The following HDAC6 variants were observed in gnomAD, a reference collection of about 807,000 sequenced individuals.
HDAC6 encodes the protein protein deacetylase HDAC6.
In HDAC6, 5 loss-of-function variants were observed where a neutral mutation model predicts 88.9. The ratio of observed to expected loss-of-function variants is 0.06; its 90% CI spans 0.03 to 0.12. The LOEUF (loss-of-function observed/expected upper bound fraction) is 0.12. Ranked by LOEUF, HDAC6 falls within the 10% of genes least tolerant of loss-of-function variation. The pLI is 1.00. For missense variants in HDAC6, 706 were observed against 1,014.4 expected (o/e 0.70, Z 4.13); for synonymous variants, 378 against 398.0 (o/e 0.95, Z 0.60).
rs998588418 is a variant in HDAC6, at chrX:48,802,138, G to C, written c.-35G>C. 5 of 885,793 alleles carry C rather than the reference G, an allele frequency of 5.6e-6. No homozygotes were observed. The highest frequency in any genetic ancestry group is 7.0e-6 in the Non-Finnish European group (5 of 716,170). The allele number at this position is 885,793 out of a possible 1,213,427, so 73.0% of individuals were successfully genotyped here. ...CGCTAGGGGCGGGATCTGGCGGAGT[G>C]GAAGGTACCGGTCCGGCCCGATAAG... On this transcript the variant is annotated 5_prime_UTR_variant, in exon 1 of 29. Transcript: ENST00000334136.
chrX:48,806,745 A>C (rs782449481), intron 8 of HDAC6, 39 bp downstream of exon 8: 1 of 861,371 alleles, frequency 1.2e-6, no homozygotes, highest in East Asian at 3.2e-5. Flanking sequence ...CATTGTTTTA[A>C]AGTCCTTCCT....
In HDAC6 at chrX:48,802,147, C is replaced by T. The variant is rs1299629842; in HGVS notation, c.-31+5C>T. 4 of 877,615 alleles carry T rather than the reference C, an allele frequency of 4.6e-6. No individual in the cohort carries two copies. The highest frequency in any genetic ancestry group is 5.6e-6 in the Non-Finnish European group (4 of 712,339). 72.3% of individuals were successfully genotyped at this position (877,615 alleles called of 1,213,427 possible). A position where few individuals can be genotyped will look rare whatever the true frequency, so the allele number is the denominator to read the frequency against. ...CGGGATCTGGCGGAGTGGAAGGTAC[C>T]GGTCCGGCCCGATAAGGGGTGGAGT... On this transcript the variant is annotated splice_donor_5th_base_variant and intron_variant, in intron 1 of 28. Coordinates refer to ENST00000334136, the MANE Select transcript of HDAC6 (RefSeq NM_006044.4).
Position 48,817,577 on chromosome X carries a change from A to G in HDAC6, c.1925+118A>G, listed in dbSNP as rs1173391229. 11 of 711,536 alleles carry G rather than the reference A, an allele frequency of 1.5e-5. No homozygotes were observed. The Admixed American group carries it at 3.1e-4, about 20-fold the overall frequency. The allele number at this position is 711,536 out of a possible 1,213,427, so 58.6% of individuals were successfully genotyped here. On this transcript the variant is annotated intron_variant, in intron 20 of 28. Transcript: ENST00000334136. ...GCTCCCAGGACTTCCTTCCCCAGAA[A>G]GAAGTAAGGGTGCAGTCCTTACCCA...
rs185304271 is a variant in HDAC6 at position 48,804,168 on chromosome X, G to A, written c.311+952G>A. Among the ~76,000 whole-genome samples the A allele has an allele frequency of 4.8e-3, 522 of 108,225 alleles. 1 individual carries two copies. The highest frequency in any genetic ancestry group is 7.9e-3 in the Non-Finnish European group (413 of 51,997). The allele number at this position is 108,225 out of a possible 115,157, so 94.0% of individuals were successfully genotyped here. On this transcript the variant is annotated intron_variant, in intron 4 of 28. Transcript: ENST00000334136. ...CAAGAGCAAAACTCTGTCTCAAAAA[G>A]TAAAAATAAAAAAAAAAAAAGTACT...
rs782183697 is a variant in HDAC6 at position 48,806,597 on chromosome X, C to T, written c.535-12C>T. 8 of 1,172,364 alleles carry T rather than the reference C, an allele frequency of 6.8e-6. No individual in the cohort carries two copies. In the Admixed American group the frequency reaches 1.3e-4, roughly 19 times the overall value. On this transcript the variant is annotated splice_polypyrimidine_tract_variant and intron_variant, in intron 7 of 28. Transcript: ENST00000334136. ...CCCTTACTCCCTTTCTGGCTCCCCA[C>T]TGTCTCTCCAGAACTCATACTCCTG...
At position 48,814,757 on chromosome X, in the gene HDAC6, G is replaced by A. The variant is rs1557026877; in HGVS notation, c.999+17G>A. On this transcript the variant is annotated intron_variant, in intron 12 of 28. Transcript: ENST00000334136. Reference sequence around the variant, plus strand: ...GCCCTCGAGGTCCTGGGGATCTGGGGTGTGTTGGGAGGAGGAGTGGCCTTG... The same window carrying A: ...GCCCTCGAGGTCCTGGGGATCTGGGATGTGTTGGGAGGAGGAGTGGCCTTG... 2 of 1,210,734 alleles carry A rather than the reference G, an allele frequency of 1.7e-6. No individual in the cohort carries two copies. The highest frequency in any genetic ancestry group is 2.2e-6 in the Non-Finnish European group (2 of 894,782).
intron 8 of HDAC6, among the ~76,000 whole-genome samples, chrX:48,807,182 C>G (rs965646058): frequency 8.9e-6 from 1 of 112,271 alleles, no homozygotes; most frequent in Non-Finnish European, 1.9e-5. Context: ...ACATGACATA[C>G]TCCCTTCGTA....
In HDAC6 at chrX:48,816,522, C is replaced by G; in HGVS notation, c.1680C>G (p.His560Gln). ...AGAAAATGAAAACCCGGGAGCTGCA[C>G]CGTGAGAGTTCCAACTTTGACTCCA... ...ATEKMKTREL[H>Q]RESSNFDSIY... Residue 560 changes from histidine to glutamine, a missense_variant, in exon 19 of 29, where the codon CAC becomes CAG. By Grantham distance (24) the His-to-Gln change is conservative. Transcript: ENST00000334136. 3 of 1,209,756 alleles carry G rather than the reference C, an allele frequency of 2.5e-6. No individual in the cohort carries two copies. The highest frequency in any genetic ancestry group is 2.2e-6 in the Non-Finnish European group (2 of 894,292).
Position 48,824,246 on chromosome X carries a change from C to T in HDAC6, c.3531C>T (p.Ile1177=), listed in dbSNP as rs782203131. ...NSGHPLVLSY[I]DLSAWCYYCQ... ...GACACCCGCTGGTCCTCAGCTACAT[C>T]GACCTGTCAGCCTGGTGTTACTACT... is the stretch of plus-strand genomic sequence containing the variant. The change falls in exon 28 of 29, where the codon ATC becomes ATT. Residue 1177 remains isoleucine, a synonymous_variant. Transcript: ENST00000334136. 129 of 1,209,281 alleles carry T rather than the reference C, an allele frequency of 1.1e-4. No individual in the cohort carries two copies. Among genetic ancestry groups the T allele is most frequent in the Non-Finnish European group, 1.4e-4 (126 of 894,838 alleles).
chrX:48,803,321 C>A, intron 4 of HDAC6, 105 bp downstream of exon 4: 1 of 633,064 alleles, frequency 1.6e-6, no homozygotes. Flanking sequence ...ATACTGGAAG[C>A]AGATGATTTG....
intron 14 of HDAC6, 74 bp from the exon 15 acceptor site, chrX:48,815,310 A>G: frequency 1.3e-6 from 1 of 767,016 alleles, no homozygotes; most frequent in Non-Finnish European, 2.0e-6. Context: ...GCACTCTCTT[A>G]TTATCATCAT....
intron 10 of HDAC6, among the ~76,000 whole-genome samples, chrX:48,811,394 C>G (rs782757474): frequency 4.5e-4 from 51 of 112,481 alleles, no homozygotes; most frequent in African/African-American, 1.6e-3. Flanking sequence ...TGGTCCTTCT[C>G]TTTTATGCTG....
rs1281332176 is a variant in HDAC6, at chrX:48,824,928, G to T, written c.*316G>T. 1 of 1,063,855 alleles carries T rather than the reference G, an allele frequency of 9.4e-7. No homozygotes were observed. Among genetic ancestry groups the T allele is most frequent in the African/African-American group, 1.9e-5 (1 of 53,346 alleles). 87.7% of individuals were successfully genotyped at this position (1,063,855 alleles called of 1,213,427 possible). ...ACATTGGCGGGAGGGGAGTTAACTG[G>T]CAGGCATGGCAAGGTTGCATATGTA... On this transcript the variant is annotated 3_prime_UTR_variant, in exon 29 of 29. Transcript: ENST00000334136.
chrX:48,822,554 ATGT>A lies in HDAC6; in HGVS notation c.2338-62_2338-60del, dbSNP rs1479667364. Reference sequence around the variant, plus strand: ...GTAGGGAGGATTGGGGAGGCAGGACATGTTGTCCTCCAAATTCCCCAATGAACC... The same window carrying A: ...GTAGGGAGGATTGGGGAGGCAGGACATGTCCTCCAAATTCCCCAATGAACC... On this transcript the variant is annotated intron_variant, in intron 23 of 28. Coordinates refer to ENST00000334136, the MANE Select transcript of HDAC6 (RefSeq NM_006044.4). The A allele has an allele frequency of 4.4e-6, 4 of 908,393 alleles. No individual in the cohort carries two copies. The East Asian group carries it at 9.6e-5, about 22-fold the overall frequency. 74.9% of individuals were successfully genotyped at this position (908,393 alleles called of 1,213,427 possible).
In HDAC6 at chrX:48,814,973, C is replaced by T. The variant is rs782415213; in HGVS notation, c.1071C>T (p.Ala357=). Reference sequence around the variant, plus strand: ...CCATGTCCCCCCAGGGTGAGATGGCCGCCACTCCGGCAGGGTTCGCCCAGC... The same window carrying T: ...CCATGTCCCCCCAGGGTGAGATGGCTGCCACTCCGGCAGGGTTCGCCCAGC... ...ALQGDPKGEM[A]ATPAGFAQLT... Residue 357 remains alanine (A), a synonymous_variant, in exon 14 of 29, where the codon GCC becomes GCT. Coordinates refer to ENST00000334136, the MANE Select transcript of HDAC6 (RefSeq NM_006044.4). 12 of 1,207,596 alleles carry T rather than the reference C, an allele frequency of 9.9e-6. No individual in the cohort carries two copies. In the East Asian group the frequency reaches 2.1e-4, roughly 21 times the overall value.
intron 6 of HDAC6, 200 bp downstream of exon 6, chrX:48,805,871 G>C (rs782011997): frequency 2.2e-6 from 1 of 446,572 alleles, no homozygotes; most frequent in Non-Finnish European, 3.9e-6. Context: ...ATGTGTGTCA[G>C]GTGCTTAGAA....
chrX:48,815,197 G>A (rs1344857980), intron 14 of HDAC6, 146 bp downstream of exon 14: 23 of 574,936 alleles, frequency 4.0e-5, no homozygotes, highest in Admixed American at 5.9e-5. Flanking sequence ...TTGTGCCTCC[G>A]CTTTCCTTCT....
At chrX:48,807,548 C>T (rs1329755298) in intron 8 of HDAC6, among the ~76,000 whole-genome samples, 4 of 112,340 alleles carry the variant, frequency 3.6e-5, no homozygotes, top group Middle Eastern at 4.6e-3. Flanking sequence ...GAGTCTCGCT[C>T]TGTCACCAGG....
At position 48,824,299 on chromosome X, in the gene HDAC6, G is replaced by T. The variant is rs2063132061; in HGVS notation, c.3579+5G>T. The T allele has an allele frequency of 1.2e-5, 14 of 1,206,198 alleles. No homozygotes were observed. The highest frequency in any genetic ancestry group is 1.6e-5 in the Non-Finnish European group (14 of 892,656). On this transcript the variant is annotated splice_donor_5th_base_variant and intron_variant, in intron 28 of 28. Coordinates refer to ENST00000334136, the MANE Select transcript of HDAC6 (RefSeq NM_006044.4). ...CAGGCCTATGTCCACCACCAGGTGG[G>T]CCCTGGGTAGACCCTTCGACACGTG...
Sources: allele counts gnomAD v4.1 joint callset (sites outside exome capture counted in the v4.1 genomes callset), GRCh38; gene constraint gnomAD v4.1.1; transcripts MANE v1.5; gene names NCBI Gene and HGNC (gene_info 2026-07-23, HGNC 2026-07-21).